The following FGFR3 variants were observed in gnomAD, a reference collection of about 807,000 sequenced individuals.
The protein encoded by FGFR3 is fibroblast growth factor receptor 3.
Under a neutral mutation model 82.9 loss-of-function variants are expected in FGFR3, and 25 were observed. The observed-to-expected ratio is 0.30, with a 90% CI of 0.22 to 0.42. The LOEUF (loss-of-function observed/expected upper bound fraction) is 0.42. FGFR3 is among the 10% of genes least tolerant of loss of function. FGFR3 has a pLI of 1.00. For synonymous variants in FGFR3, 620 were observed against 516.0 expected (o/e 1.20, Z -2.73); for missense variants, 1,026 against 1,161.0 (o/e 0.88, Z 1.69).
chr4:1,807,338 A>G lies in FGFR3; in HGVS notation c.*76A>G, dbSNP rs143797885. On this transcript the variant is annotated 3_prime_UTR_variant, in exon 18 of 18. Coordinates refer to ENST00000440486, the MANE Select transcript of FGFR3 (RefSeq NM_000142.5). ...TGCTGGTGCACAGCCACTCCCCGGCATGAGACTCAGTGCAGATGGAGAGAC... is the reference window on the plus strand; with the variant it reads ...TGCTGGTGCACAGCCACTCCCCGGCGTGAGACTCAGTGCAGATGGAGAGAC... 3 of 1,530,520 alleles carry G rather than the reference A, an allele frequency of 2.0e-6. No homozygotes were observed. Among genetic ancestry groups the G allele is most frequent in the East Asian group, 2.4e-5 (1 of 41,018 alleles). 94.8% of individuals were successfully genotyped at this position (1,530,520 alleles called of 1,614,324 possible).
chr4:1,799,806 G>C lies in FGFR3; in HGVS notation c.439G>C (p.Asp147His), dbSNP rs773269128. The C allele has an allele frequency of 1.2e-6, 2 of 1,612,870 alleles. No homozygotes were observed. Among genetic ancestry groups the C allele is most frequent in the South Asian group, 2.2e-5 (2 of 91,070 alleles). The change falls in exon 4 of 18, where the codon GAC becomes CAC. Residue 147 changes from aspartate to histidine, a missense_variant. Asp to His is a moderately conservative substitution (Grantham distance 81). Around this residue, in one of 9 missense-constraint regions of FGFR3, gnomAD observed 226 missense variants for 222.0 expected, o/e 1.02. Coordinates refer to ENST00000440486, the MANE Select transcript of FGFR3 (RefSeq NM_000142.5). ...GEDEAEDTGV[D>H]TGAPYWTRPE... ...GGACGAGGCTGAGGACACAGGTGTG[G>C]ACACAGGTAGGAGCAGGGTCCAGGG...
chr4:1,801,329 A>G (rs1358423944), intron 4 of FGFR3, 38 bp from the exon 5 acceptor site: 1 of 1,541,588 alleles, frequency 6.5e-7, no homozygotes, highest in Non-Finnish European at 8.7e-7. Context: ...CTCTGCTCCC[A>G]CTCGGGTCAT....
At chr4:1,803,154 G>T (rs1012137890) in intron 7 of FGFR3, 4 of 1,358,422 alleles carry the variant, frequency 2.9e-6, no homozygotes, top group Middle Eastern at 2.4e-4. Context: ...GCCCAGCCCT[G>T]CTCGCTCCCG....
chr4:1,807,258 C>A lies in FGFR3; in HGVS notation c.2417C>A (p.Thr806Lys), dbSNP rs374547489. Residue 806 changes from threonine to lysine, a missense_variant, in exon 18 of 18, where the codon ACG (threonine) becomes AAG (lysine). Coordinates refer to ENST00000440486, the MANE Select transcript of FGFR3 (RefSeq NM_000142.5). ...PAPPSSGGSRT is the reference protein window; with the variant it reads ...PAPPSSGGSRK The stretch of plus-strand genomic sequence containing the variant: ...CCACCCAGCAGTGGGGGCTCGCGGA[C>A]GTGAAGGGCCACTGGTCCCCAACAA... 5.0e-6 allele frequency: 8 copies of A among 1,598,710 alleles called. No individual in the cohort carries two copies. The highest frequency in any genetic ancestry group is 6.8e-6 in the Non-Finnish European group (8 of 1,174,772).
Position 1,799,347 on chromosome 4 carries a change from C to T in FGFR3, c.203C>T (p.Pro68Leu), listed in dbSNP as rs1276396531. ...AGCTGTCCCCCGCCCGGGGGTGGTC[C>T]CATGGGGCCCACTGTCTGGGTCAAG... ...ELSCPPPGGG[P>L]MGPTVWVKDG... The change falls in exon 3 of 18, where the codon CCC becomes CTC. Residue 68 changes from proline to leucine, a missense_variant. Physicochemically the swap from Pro to Leu is moderately conservative, Grantham distance 98. Coordinates refer to ENST00000440486, the MANE Select transcript of FGFR3 (RefSeq NM_000142.5). 1 of 1,612,560 alleles carries T rather than the reference C, an allele frequency of 6.2e-7. No individual in the cohort carries two copies.
In FGFR3 at chr4:1,808,029, G is replaced by T; in HGVS notation, c.*767G>T. On this transcript the variant is annotated 3_prime_UTR_variant, in exon 18 of 18. Transcript: ENST00000440486. ...GGGGGCGTGGAGGGAGGCCCCAGGGGGTCTCACCCATGCAAGCAGAGGACC... is the reference window on the plus strand; with the variant it reads ...GGGGGCGTGGAGGGAGGCCCCAGGGTGTCTCACCCATGCAAGCAGAGGACC... The T allele has an allele frequency of 4.2e-6, 1 of 236,280 alleles. No homozygotes were observed. Among genetic ancestry groups the T allele is most frequent in the Non-Finnish European group, 8.3e-6 (1 of 120,046 alleles). The allele number at this position is 236,280 out of a possible 1,614,324, so 14.6% of individuals were successfully genotyped here.
chr4:1,798,229 AG>A (rs2108768073), intron 2 of FGFR3, among the ~76,000 whole-genome samples: 1 of 149,518 alleles, frequency 6.7e-6, no homozygotes, highest in East Asian at 2.0e-4. Context: ...CCCCCACCCC[AG>A]CTTCTCAGCC....
At chr4:1,800,206 G>A (rs1721019901) in intron 4 of FGFR3, among the ~76,000 whole-genome samples, 1 of 152,074 alleles carries the variant, frequency 6.6e-6, no homozygotes, top group South Asian at 2.1e-4. Context: ...CCCGGGGTGA[G>A]GGCGCCGGGG....
intron 7 of FGFR3, 134 bp from the exon 8 acceptor site, chr4:1,803,558 C>A: frequency 6.8e-7 from 1 of 1,462,506 alleles, no homozygotes; most frequent in South Asian, 1.3e-5. Context: ...GTGGCGGTGA[C>A]CAAGTTGGCG....
At position 1,801,841 on chromosome 4, in the gene FGFR3, C is replaced by T. The variant is rs121913483; in HGVS notation, c.746C>T (p.Ser249Phe). 21 of 1,606,784 alleles carry T rather than the reference C, an allele frequency of 1.3e-5. No homozygotes were observed. Among genetic ancestry groups the T allele is most frequent in the Non-Finnish European group, 1.4e-5 (17 of 1,176,238 alleles). Reference sequence around the variant, plus strand: ...GCGTCATCTGCCCCCACAGAGCGCTCCCCGCACCGGCCCATCCTGCAGGCG... The same window carrying T: ...GCGTCATCTGCCCCCACAGAGCGCTTCCCGCACCGGCCCATCCTGCAGGCG... ...QTYTLDVLER[S>F]PHRPILQAGL... Residue 249 changes from serine to phenylalanine, a missense_variant, in exon 7 of 18, where the codon TCC (serine) becomes TTC (phenylalanine). Coordinates refer to ENST00000440486, the MANE Select transcript of FGFR3 (RefSeq NM_000142.5).
intron 8 of FGFR3, 33 bp from the exon 9 acceptor site, chr4:1,804,296 GC>G (rs774295977): frequency 6.4e-6 from 10 of 1,553,574 alleles, no homozygotes; most frequent in South Asian, 4.9e-5. Context: ...GGGGGGGGGG[GC>G]CAGGCCAGGC....
rs1013954725 is a variant in FGFR3 at position 1,807,818 on chromosome 4, G to A, written c.*556G>A. On this transcript the variant is annotated 3_prime_UTR_variant, in exon 18 of 18. Coordinates refer to ENST00000440486, the MANE Select transcript of FGFR3 (RefSeq NM_000142.5). ...TGAAATTACGGGTACCTGAAGATGGGAGCCTTTACCTTTTATGCAAAAGGT... is the reference window on the plus strand; with the variant it reads ...TGAAATTACGGGTACCTGAAGATGGAAGCCTTTACCTTTTATGCAAAAGGT... 1.3e-5 allele frequency: 6 copies of A among 477,166 alleles called. No individual in the cohort carries two copies. The Admixed American group carries it at 1.8e-4, about 14-fold the overall frequency. The allele number at this position is 477,166 out of a possible 1,614,324, so 29.6% of individuals were successfully genotyped here. A position where few individuals can be genotyped will look rare whatever the true frequency, so the allele number is the denominator to read the frequency against.
intron 17 of FGFR3, 74 bp downstream of exon 17, chr4:1,807,008 A>G (rs1577295059): frequency 9.7e-6 from 15 of 1,553,186 alleles, no homozygotes; most frequent in African/African-American, 1.4e-5. Context: ...CCTGCCCCCC[A>G]GAGTGCTGAG....
At position 1,806,564 on chromosome 4, in the gene FGFR3, G is replaced by A. The variant is rs371884239; in HGVS notation, c.2049G>A (p.Leu683=). The change falls in exon 16 of 18, where the codon CTG becomes CTA. Residue 683 remains leucine, a synonymous_variant. Coordinates refer to ENST00000440486, the MANE Select transcript of FGFR3 (RefSeq NM_000142.5). ...CCTGCAGCTGGTCCTTTGGGGTCCT[G>A]CTCTGGGAGATCTTCACGCTGGGGG... ...HQSDVWSFGV[L]LWEIFTLGGS... 1 of 1,613,082 alleles carries A rather than the reference G, an allele frequency of 6.2e-7. No individual in the cohort carries two copies. Among genetic ancestry groups the A allele is most frequent in the Non-Finnish European group, 8.5e-7 (1 of 1,179,954 alleles).
rs1222090443 is a variant in FGFR3 at position 1,799,536 on chromosome 4, G to A, written c.379+13G>A. 2 of 1,551,196 alleles carry A rather than the reference G, an allele frequency of 1.3e-6. No individual in the cohort carries two copies. Among genetic ancestry groups the A allele is most frequent in the Non-Finnish European group, 8.7e-7 (1 of 1,148,262 alleles). ...GTGCGGGTGACAGGTGAGCTCTGGG[G>A]CCACGCCAGCTACAGAAAGGAGCCG... On this transcript the variant is annotated intron_variant, in intron 3 of 17. Transcript: ENST00000440486.
At chr4:1,796,404 C>T (rs1453142662) in intron 2 of FGFR3, among the ~76,000 whole-genome samples, 4 of 152,134 alleles carry the variant, frequency 2.6e-5, no homozygotes, top group South Asian at 4.1e-4. Flanking sequence ...GGGGCCCCCT[C>T]CTCTTAGGCT....
intron 7 of FGFR3, among the ~76,000 whole-genome samples, 172 bp downstream of exon 7, chr4:1,802,197 C>T (rs1297844289): frequency 6.6e-6 from 1 of 152,184 alleles, no homozygotes; most frequent in Non-Finnish European, 1.5e-5. Context: ...ACCTCAGGGC[C>T]ATAGGCAGCT....
Position 1,804,538 on chromosome 4 carries a change from C to G in FGFR3, c.1266+18C>G, listed in dbSNP as rs763868055. The G allele has an allele frequency of 6.2e-7, 1 of 1,611,016 alleles. No homozygotes were observed. The highest frequency in any genetic ancestry group is 8.5e-7 in the Non-Finnish European group (1 of 1,179,816). ...AGCGACAGGTAACAGAAAGTAGATA[C>G]CAGGTTCTGAGCTGCCTGCCCGCCA... is the stretch of plus-strand genomic sequence containing the variant. On this transcript the variant is annotated intron_variant, in intron 9 of 17. Transcript: ENST00000440486.
In FGFR3 at chr4:1,805,928, G is replaced by C. The variant is rs1721852591; in HGVS notation, c.1824G>C (p.Leu608Phe). The change falls in exon 13 of 18, where the codon TTG becomes TTC. Residue 608 changes from leucine to phenylalanine, a missense_variant. Around this residue, in one of 9 missense-constraint regions of FGFR3, gnomAD observed 164 missense variants for 167.5 expected, o/e 0.98. Transcript: ENST00000440486. Reference protein sequence around the residue: ...AYQVARGMEYLASQKCIHRDL... With the variant: ...AYQVARGMEYFASQKCIHRDL... The stretch of plus-strand genomic sequence containing the variant: ...AGGTGGCCCGGGGCATGGAGTACTT[G>C]GCCTCCCAGAAGGTGGGCAGGGCGG... 1.2e-6 allele frequency: 2 copies of C among 1,609,518 alleles called. No individual in the cohort carries two copies. The highest frequency in any genetic ancestry group is 8.5e-7 in the Non-Finnish European group (1 of 1,177,240).
Sources: gnomAD v4.1 joint callset for allele counts (sites outside exome capture counted in the v4.1 genomes callset) on GRCh38, gnomAD v4.1.1 for gene constraint, gnomAD v4.1.1 regional missense constraint, MANE v1.5 for transcripts, NCBI Gene and HGNC (gene_info 2026-07-23, HGNC 2026-07-21) for gene names.